Variants in TXNL4A observed in about 807,000 individuals in gnomAD.
TXNL4A encodes thioredoxin like 4A, also known as thioredoxin-like protein 4A.
TXNL4A carries 17 observed loss-of-function variants against 14.6 expected under a neutral mutation model. That is an observed-to-expected ratio of 1.16 (90% CI 0.80 to 1.74). The LOEUF (loss-of-function observed/expected upper bound fraction) is 1.74, where lower values mean the gene tolerates loss of function less well. Ranked by LOEUF, TXNL4A falls within the 40% of genes most tolerant of loss-of-function variation. The pLI is 0.00. For synonymous variants in TXNL4A, 83 were observed against 70.6 expected (o/e 1.18, Z -0.88); for missense variants, 74 against 195.2 (o/e 0.38, Z 3.70).
intron 1 of TXNL4A, among the ~76,000 whole-genome samples, chr18:79,987,013 G>A (rs2051560577): frequency 6.6e-6 from 1 of 152,180 alleles, no homozygotes; most frequent in Admixed American, 6.5e-5. Context: ...AGTCCTCAGT[G>A]TCCAGGAGGA....
chr18:80,018,383 C>T (rs887951516), intron 1 of TXNL4A, among the ~76,000 whole-genome samples: 12 of 151,868 alleles, frequency 7.9e-5, no homozygotes, highest in Non-Finnish European at 1.3e-4. Flanking sequence ...AGAGAAAGCA[C>T]GAAAGATCCA....
chr18:79,999,184 AG>A (rs1490262260), intron 1 of TXNL4A, among the ~76,000 whole-genome samples: 5 of 152,188 alleles, frequency 3.3e-5, no homozygotes, highest in Non-Finnish European at 5.9e-5. Context: ...GGAAAGATGG[AG>A]GATATTTAGC....
chr18:80,003,148 C>G (rs181199302), intron 1 of TXNL4A, among the ~76,000 whole-genome samples: 8 of 152,346 alleles, frequency 5.3e-5, no homozygotes, highest in South Asian at 2.1e-4. Context: ...GGGTGGTCAT[C>G]ATCATATGTC....
chr18:79,995,371 T>G (rs1021334205), intron 1 of TXNL4A: 1 of 152,274 alleles, frequency 6.6e-6, no homozygotes. Context: ...CGATGACTGT[T>G]CTGTTAAATA....
chr18:79,998,505 G>A (rs2051677505), intron 1 of TXNL4A, among the ~76,000 whole-genome samples: 1 of 150,710 alleles, frequency 6.6e-6, no homozygotes. Context: ...ACACAAAACT[G>A]GAGGTACTGC....
chr18:80,005,762 A>G (rs1388530515), intron 1 of TXNL4A, among the ~76,000 whole-genome samples: 1 of 152,150 alleles, frequency 6.6e-6, no homozygotes, highest in Non-Finnish European at 1.5e-5. Flanking sequence ...TAAAAGTACA[A>G]GAATTAGCCA....
At chr18:80,022,028 G>A (rs139215221) in intron 1 of TXNL4A, among the ~76,000 whole-genome samples, 32 of 151,800 alleles carry the variant, frequency 2.1e-4, no homozygotes, top group African/African-American at 7.5e-4. Context: ...CTTAGAAGTA[G>A]CATAGCATCT....
intron 2 of TXNL4A, 50 bp downstream of exon 2, chr18:79,977,548 C>G: frequency 7.1e-7 from 1 of 1,412,012 alleles, no homozygotes; most frequent in South Asian, 1.2e-5. Flanking sequence ...TTACATTAAG[C>G]TTCCAAACTG....
Position 79,973,655 on chromosome 18 carries a change from C to A in TXNL4A, c.*30G>T, listed in dbSNP as rs199988405. Reference sequence around the variant, plus strand: ...ACGTTTCCATACAAAAAGGGCTCCACGACATTTATCCGCGCAGACTGAGGG... The same window carrying A: ...ACGTTTCCATACAAAAAGGGCTCCAAGACATTTATCCGCGCAGACTGAGGG... On this transcript the variant is annotated 3_prime_UTR_variant, in exon 3 of 3. Coordinates refer to ENST00000269601, the MANE Select transcript of TXNL4A (RefSeq NM_006701.5). The A allele has an allele frequency of 1.8e-3, 2,898 of 1,579,444 alleles. 3 individuals are homozygous for A. The highest frequency in any genetic ancestry group is 2.3e-3 in the Non-Finnish European group (2,650 of 1,164,530).
At chr18:79,973,924 T>G in intron 2 of TXNL4A, 68 bp from the exon 3 acceptor site, 1 of 1,574,854 alleles carries the variant, frequency 6.3e-7, no homozygotes, top group Non-Finnish European at 8.6e-7. Flanking sequence ...TTGAAAACAA[T>G]GCCGTATTTT....
At position 80,015,401 on chromosome 18, in the gene TXNL4A, T is replaced by C. The variant is rs972368235; in HGVS notation, c.-61+18450A>G. Among the ~76,000 whole-genome samples, 13 of 150,992 alleles carry C rather than the reference T, an allele frequency of 8.6e-5. No individual in the cohort carries two copies. In the East Asian group the frequency reaches 2.2e-3, roughly 25 times the overall value. The stretch of plus-strand genomic sequence containing the variant: ...TATACTTTAAGTTTTAGGGTACATG[T>C]GCACAATGTGCAAGTCAGTTACATA... On this transcript the variant is annotated intron_variant, in intron 1 of 2. Transcript: ENST00000585474.
intron 1 of TXNL4A, among the ~76,000 whole-genome samples, chr18:80,027,064 C>T (rs1170830597): frequency 1.3e-5 from 2 of 152,072 alleles, no homozygotes; most frequent in African/African-American, 2.4e-5. Flanking sequence ...ACACCAGAAG[C>T]AGAACGCTTG....
intron 1 of TXNL4A, among the ~76,000 whole-genome samples, chr18:80,016,441 C>T (rs889508779): frequency 2.0e-5 from 3 of 151,386 alleles, no homozygotes; most frequent in African/African-American, 7.3e-5. Flanking sequence ...CTTGCCCATG[C>T]CTATGTCCTG....
chr18:80,029,184 A>G (rs983952177), intron 1 of TXNL4A, among the ~76,000 whole-genome samples: 23 of 152,276 alleles, frequency 1.5e-4, no homozygotes, highest in African/African-American at 5.3e-4. Flanking sequence ...CCCTTATGGA[A>G]TATGTCCATA....
In TXNL4A at chr18:79,982,549, A is replaced by G. The variant is rs940669136; in HGVS notation, c.154-4848T>C. Among the ~76,000 whole-genome samples, 1 of 152,102 alleles carries G rather than the reference A, an allele frequency of 6.6e-6. No individual in the cohort carries two copies. The highest frequency in any genetic ancestry group is 2.4e-5 in the African/African-American group (1 of 41,424). ...CTGTAGAGTTGGGGGCAGGAAAGGGATGCCAAGGAGGCAGTCTCAGAAACC... is the reference window on the plus strand; with the variant it reads ...CTGTAGAGTTGGGGGCAGGAAAGGGGTGCCAAGGAGGCAGTCTCAGAAACC... On this transcript the variant is annotated intron_variant, in intron 1 of 2. Coordinates refer to ENST00000269601, the MANE Select transcript of TXNL4A (RefSeq NM_006701.5). The surrounding 1 kb of genome is among the most constrained non-coding windows in gnomAD (Gnocchi z 4.0).
Position 80,011,180 on chromosome 18 carries a change from A to G in TXNL4A, c.-61+22671T>C, listed in dbSNP as rs1257417746. On this transcript the variant is annotated intron_variant, in intron 1 of 2. Transcript: ENST00000585474. This position sits in a 1 kb window ranked among gnomAD's most constrained non-coding sequence, Gnocchi z 4.1. ...AAGGCCAAACACTAATATAAAACAT[A>G]TAAGGAAAAGAGGTTTTCGTAGGGG... 6.6e-6 allele frequency among the ~76,000 whole-genome samples: 1 copy of G among 152,228 alleles called. No homozygotes were observed. The highest frequency in any genetic ancestry group is 2.4e-5 in the African/African-American group (1 of 41,452).
intron 1 of TXNL4A, among the ~76,000 whole-genome samples, chr18:80,003,345 C>A (rs1192163650): frequency 3.3e-5 from 5 of 152,216 alleles, no homozygotes; most frequent in Non-Finnish European, 5.9e-5. Context: ...AGGGTGTGTG[C>A]CTGCTGCCTG....
chr18:79,979,696 T>C (rs956393068), intron 1 of TXNL4A: 15 of 152,298 alleles, frequency 9.8e-5, no homozygotes, highest in African/African-American at 3.6e-4. Flanking sequence ...TGTATTTCTT[T>C]ATAGCAATGC....
chr18:79,994,335 T>C (rs2051646259), intron 1 of TXNL4A, among the ~76,000 whole-genome samples: 2 of 151,976 alleles, frequency 1.3e-5, no homozygotes, highest in African/African-American at 2.4e-5. Flanking sequence ...ACCTGGAGAG[T>C]AGCCAGCGGG....
Sources: gnomAD v4.1 joint callset for allele counts (sites outside exome capture counted in the v4.1 genomes callset) on GRCh38, gnomAD v4.1.1 for gene constraint, Gnocchi (gnomAD v3.1) non-coding constraint, MANE v1.5 for transcripts, NCBI Gene and HGNC (gene_info 2026-07-23, HGNC 2026-07-21) for gene names.